Variants in RIF1 observed in about 807,000 individuals in gnomAD.
RIF1 encodes telomere-associated protein RIF1.
In RIF1, 45 loss-of-function variants were observed where a neutral mutation model predicts 247.1. That is an observed-to-expected ratio of 0.18 (90% CI 0.14 to 0.23). RIF1 has a LOEUF of 0.23. RIF1 is among the 10% of genes least tolerant of loss of function. RIF1 has a pLI of 1.00. For missense variants in RIF1, 2,967 were observed against 2,862.5 expected (o/e 1.04, Z -0.83); for synonymous variants, 1,087 against 978.8 (o/e 1.11, Z -2.06).
intron 10 of RIF1, among the ~76,000 whole-genome samples, 168 bp downstream of exon 10, chr2:151,433,396 G>T (rs920383376): frequency 6.6e-6 from 1 of 152,100 alleles, no homozygotes; most frequent in Non-Finnish European, 1.5e-5. Flanking sequence ...TCCCACAAGG[G>T]ATATTGTTCA....
chr2:151,472,405 A>C (rs945164512), intron 34 of RIF1, among the ~76,000 whole-genome samples: 2 of 152,126 alleles, frequency 1.3e-5, no homozygotes. Flanking sequence ...TTCCAACACT[A>C]TGTTGAATAG....
In RIF1 at chr2:151,462,909, T is replaced by C. The variant is rs1439318148; in HGVS notation, c.3389T>C (p.Val1130Ala). 4 of 1,608,048 alleles carry C rather than the reference T, an allele frequency of 2.5e-6. No individual in the cohort carries two copies. The highest frequency in any genetic ancestry group is 3.4e-6 in the Non-Finnish European group (4 of 1,177,794). Reference sequence around the variant, plus strand: ...GAGGAGCAAATGGACAGTGACATTGTCATTCCTCAAGATGTCACGGAAGAC... The same window carrying C: ...GAGGAGCAAATGGACAGTGACATTGCCATTCCTCAAGATGTCACGGAAGAC... ...ITEEQMDSDI[V>A]IPQDVTEDCG... The change falls in exon 30 of 36, where the codon GTC becomes GCC. Residue 1130 changes from valine to alanine, a missense_variant. By Grantham distance (64) the Val-to-Ala change is moderately conservative (BLOSUM62 0). Coordinates refer to ENST00000444746, the MANE Select transcript of RIF1 (RefSeq NM_018151.5).
At chr2:151,432,763 C>G (rs1009032552) in intron 9 of RIF1, among the ~76,000 whole-genome samples, 15 of 152,182 alleles carry the variant, frequency 9.9e-5, no homozygotes, top group African/African-American at 3.6e-4. Context: ...ACTAAGATGT[C>G]AATAGCATCC....
At position 151,468,567 on chromosome 2, in the gene RIF1, G is replaced by GTTTTCATGTCACTTTATA. The variant is rs1697315866; in HGVS notation, c.6825+26_6825+43dup. On this transcript the variant is annotated intron_variant, in intron 32 of 35. Coordinates refer to ENST00000444746, the MANE Select transcript of RIF1 (RefSeq NM_018151.5). Reference sequence around the variant, plus strand: ...GAAGTGTTTAGTAAGAAGTGCTTTAGTTTTCATGTCACTTTATATTTTCAT... The same window carrying GTTTTCATGTCACTTTATA: ...GAAGTGTTTAGTAAGAAGTGCTTTAGTTTTCATGTCACTTTATATTTTCATGTCACTTTATATTTTCAT... 5 of 1,607,540 alleles carry GTTTTCATGTCACTTTATA rather than the reference G, an allele frequency of 3.1e-6. No homozygotes were observed. The highest frequency in any genetic ancestry group is 1.1e-5 in the South Asian group (1 of 90,952).
rs1559017751 is a variant in RIF1 at position 151,464,475 on chromosome 2, A to G, written c.4955A>G (p.Glu1652Gly). Residue 1652 changes from glutamate to glycine, a missense_variant, in exon 30 of 36, where the codon GAA (glutamate) becomes GGA (glycine). By Grantham distance (98) the Glu-to-Gly change is moderately conservative. Transcript: ENST00000444746. Reference sequence around the variant, plus strand: ...GATGATTTACCAAATGTGTGTGAGGAAAAAAATGAAACTAGCAAATATGCA... The same window carrying G: ...GATGATTTACCAAATGTGTGTGAGGGAAAAAATGAAACTAGCAAATATGCA... ...VPDDLPNVCE[E>G]KNETSKYAEY... is the part of the protein sequence containing the mutation. The G allele has an allele frequency of 2.5e-6, 4 of 1,612,584 alleles. No homozygotes were observed. The highest frequency in any genetic ancestry group is 2.5e-6 in the Non-Finnish European group (3 of 1,179,528).
downstream of RIF1, chr2:151,485,535 G>A (rs957360285): frequency 1.0e-5 from 4 of 393,590 alleles, no homozygotes; most frequent in Admixed American, 4.2e-5. Context: ...TGTTTATAAT[G>A]GAGAAAGACT....
chr2:151,421,627 C>G (rs1223843161), intron 7 of RIF1, among the ~76,000 whole-genome samples: 3 of 152,184 alleles, frequency 2.0e-5, no homozygotes. Flanking sequence ...CCAAGCTGGT[C>G]TCGAACTCCT....
At chr2:151,436,727 C>T in intron 11 of RIF1, 100 bp from the exon 12 acceptor site, 2 of 857,568 alleles carry the variant, frequency 2.3e-6, no homozygotes, top group South Asian at 2.1e-5. Flanking sequence ...GACATTTAAA[C>T]TCTGTTTTTA....
chr2:151,468,567 G>A lies in RIF1; in HGVS notation c.6825+16G>A. 5 of 1,607,658 alleles carry A rather than the reference G, an allele frequency of 3.1e-6. No individual in the cohort carries two copies. Among genetic ancestry groups the A allele is most frequent in the Non-Finnish European group, 4.3e-6 (5 of 1,174,186 alleles). ...GAAGTGTTTAGTAAGAAGTGCTTTA[G>A]TTTTCATGTCACTTTATATTTTCAT... is the stretch of plus-strand genomic sequence containing the variant. On this transcript the variant is annotated intron_variant, in intron 32 of 35. Transcript: ENST00000444746.
chr2:151,518,996 T>C, the RIF1 span: 2 of 1,613,606 alleles, frequency 1.2e-6, no homozygotes, highest in Non-Finnish European at 1.7e-6. Context: ...ATTCAGGACA[T>C]GATTCATGAT....
intron 34 of RIF1, among the ~76,000 whole-genome samples, chr2:151,473,051 G>A (rs1559035214): frequency 1.3e-5 from 2 of 151,960 alleles, no homozygotes; most frequent in Admixed American, 6.6e-5. Flanking sequence ...ACCACATTTT[G>A]TTTATCCAGT....
intron 30 of RIF1, among the ~76,000 whole-genome samples, chr2:151,467,039 A>T (rs7608474): frequency 6.6e-6 from 1 of 151,614 alleles, no homozygotes; most frequent in Non-Finnish European, 1.5e-5. Context: ...GACCAGCCTG[A>T]CCAACATGGA....
intron 13 of RIF1, chr2:151,506,810 G>T: frequency 1.3e-6 from 1 of 786,414 alleles, no homozygotes; most frequent in Non-Finnish European, 2.1e-6. Context: ...GAGGAGGTTA[G>T]ATGTTAATTG....
At chr2:151,512,633 A>G, downstream of RIF1, 1 of 919,798 alleles carries the variant, frequency 1.1e-6, no homozygotes, top group Non-Finnish European at 1.7e-6. Flanking sequence ...TTTATTGGGA[A>G]AAACTGATCT....
intron 25 of RIF1, 124 bp from the exon 26 acceptor site, chr2:151,459,876 A>C: frequency 1.2e-6 from 1 of 810,652 alleles, no homozygotes; most frequent in Non-Finnish European, 1.9e-6. Flanking sequence ...TATGGGATTG[A>C]ATAATTAGAA....
chr2:151,451,440 T>G (rs1694303013), intron 20 of RIF1, among the ~76,000 whole-genome samples, 166 bp from the exon 21 acceptor site: 1 of 152,196 alleles, frequency 6.6e-6, no homozygotes, highest in African/African-American at 2.4e-5. Flanking sequence ...TCACAGTGGA[T>G]CTCTGTTAAG....
the RIF1 span, chr2:151,518,925 G>T: frequency 2.1e-6 from 3 of 1,410,564 alleles, no homozygotes; most frequent in Admixed American, 1.7e-5. Flanking sequence ...GTTCCAAATG[G>T]GTAAAACAAG....
the RIF1 span, chr2:151,529,352 A>G: frequency 7.7e-7 from 1 of 1,295,564 alleles, no homozygotes; most frequent in Non-Finnish European, 1.1e-6. Flanking sequence ...TAATTTTTTT[A>G]TAGCAGCATA....
chr2:151,500,156 T>TTAAC (rs1315570038), intron 11 of RIF1, among the ~76,000 whole-genome samples: 1 of 152,074 alleles, frequency 6.6e-6, no homozygotes, highest in Non-Finnish European at 1.5e-5. Context: ...CATTGAAAAT[T>TTAAC]TAACAAAATT....
Sources: allele counts gnomAD v4.1 joint callset (sites outside exome capture counted in the v4.1 genomes callset), GRCh38; gene constraint gnomAD v4.1.1; transcripts MANE v1.5; gene names NCBI Gene and HGNC (gene_info 2026-07-23, HGNC 2026-07-21).